PAMR1: variants seen among roughly 807,000 people sequenced by gnomAD.
The protein encoded by PAMR1 is inactive serine protease PAMR1.
A neutral mutation model predicts 81.8 loss-of-function variants in PAMR1; 88 were observed. The observed-to-expected ratio is 1.08, with a 90% CI of 0.91 to 1.28. PAMR1 has a LOEUF of 1.28. PAMR1 is among the 50% of genes most tolerant of loss of function. PAMR1 has a pLI of 0.00. For missense variants in PAMR1, 935 were observed against 919.7 expected, an observed-to-expected ratio of 1.02 and a Z score of -0.21; for synonymous variants, 336 against 345.3, an observed-to-expected ratio of 0.97 and a Z score of 0.30.
intron 6 of PAMR1, among the ~76,000 whole-genome samples, chr11:35,462,444 T>C (rs538344646): frequency 1.1e-3 from 169 of 152,326 alleles, no homozygotes; most frequent in African/African-American, 3.8e-3. Flanking sequence ...TGGCAATATT[T>C]AGTGTTTAGC....
At chr11:35,444,088 C>T (rs1011120327) in intron 6 of PAMR1, among the ~76,000 whole-genome samples, 2 of 152,198 alleles carry the variant, frequency 1.3e-5, no homozygotes, top group African/African-American at 4.8e-5. Flanking sequence ...TAACTGACTT[C>T]AAATTATACT....
At chr11:35,452,889 C>T (rs768970398) in intron 6 of PAMR1, among the ~76,000 whole-genome samples, 1 of 152,080 alleles carries the variant, frequency 6.6e-6, no homozygotes, top group Non-Finnish European at 1.5e-5. Flanking sequence ...TGAGTTTATT[C>T]ACTAGACTCT....
chr11:35,484,470 C>A (rs543103471), intron 3 of PAMR1, among the ~76,000 whole-genome samples: 5 of 152,322 alleles, frequency 3.3e-5, no homozygotes, highest in African/African-American at 1.2e-4. Flanking sequence ...GGAGGGCAGC[C>A]CCGAAAGTCA....
At position 35,524,365 on chromosome 11, in the gene PAMR1, G is replaced by A. The variant is rs558058683; in HGVS notation, c.73+1148C>T. ...AAAGTATTGACCAAAATGAAGGGCAGGGGGGTTTGTGTATCTCAGCTTTTC... is the reference window on the plus strand; with the variant it reads ...AAAGTATTGACCAAAATGAAGGGCAAGGGGGTTTGTGTATCTCAGCTTTTC... On this transcript the variant is annotated intron_variant, in intron 1 of 10. Coordinates refer to ENST00000619888, the MANE Select transcript of PAMR1 (RefSeq NM_001001991.3). 2.6e-5 allele frequency among the ~76,000 whole-genome samples: 4 copies of A among 152,310 alleles called. No homozygotes were observed. In the East Asian group the frequency reaches 7.7e-4, roughly 29 times the overall value.
intron 1 of PAMR1, among the ~76,000 whole-genome samples, chr11:35,499,487 A>G (rs1850790825): frequency 6.6e-6 from 1 of 152,196 alleles, no homozygotes; most frequent in Non-Finnish European, 1.5e-5. Flanking sequence ...AACTTTTATA[A>G]GATTCTGTAC....
rs1856803200 is a variant in PAMR1 at position 35,468,873 on chromosome 11, T to A, written c.713-765A>T. Among the ~76,000 whole-genome samples the A allele has an allele frequency of 2.6e-5, 4 of 152,248 alleles. 1 individual carries two copies. In the South Asian group the frequency reaches 8.3e-4, roughly 31 times the overall value. On this transcript the variant is annotated intron_variant, in intron 5 of 10. Transcript: ENST00000619888. ...TATCCATCAATCCTACATTCATTTA[T>A]CCCAATGTAGAAGTATATTCCTTGG... is the stretch of plus-strand genomic sequence containing the variant.
chr11:35,483,509 C>T (rs1031490273), intron 3 of PAMR1, among the ~76,000 whole-genome samples: 3 of 152,046 alleles, frequency 2.0e-5, no homozygotes, highest in African/African-American at 7.2e-5. Flanking sequence ...CTGGTCAGCC[C>T]ATAGATTCAA....
intron 10 of PAMR1, 22 bp downstream of exon 10, chr11:35,434,490 C>G (rs1359708801): frequency 1.3e-6 from 2 of 1,599,968 alleles, no homozygotes; most frequent in Non-Finnish European, 1.7e-6. Context: ...GCCCCAGCTT[C>G]CAAGTGCAAG....
intron 10 of PAMR1, among the ~76,000 whole-genome samples, 155 bp downstream of exon 10, chr11:35,434,357 T>C (rs1031024307): frequency 1.3e-5 from 2 of 151,790 alleles, no homozygotes; most frequent in African/African-American, 2.4e-5. Context: ...CCCCATCTAG[T>C]ATCTCAATAT....
Position 35,435,959 on chromosome 11 carries a change from C to A in PAMR1, c.1277G>T (p.Arg426Met). Residue 426 changes from arginine to methionine, a missense_variant, in exon 9 of 11, where the codon AGG becomes ATG. Physicochemically the swap from Arg to Met is moderately conservative, Grantham distance 91. Coordinates refer to ENST00000619888, the MANE Select transcript of PAMR1 (RefSeq NM_001001991.3). ...CTTCCCAGTCCTCAGACATGTCCTC[C>A]TGCTGCTGCCCAGGCGGCGGTAGAA... ...SPFYRRLGSS[R>M]RTCLRTGKWS... 1 of 1,614,222 alleles carries A rather than the reference C, an allele frequency of 6.2e-7. No homozygotes were observed. The highest frequency in any genetic ancestry group is 8.5e-7 in the Non-Finnish European group (1 of 1,180,048).
upstream of PAMR1, among the ~76,000 whole-genome samples, chr11:35,527,201 T>C (rs1009432537): frequency 6.6e-6 from 1 of 152,200 alleles, no homozygotes; most frequent in African/African-American, 2.4e-5. Flanking sequence ...GCCTGTGTTC[T>C]AATTTTGTTG....
rs1337250250 is a variant in PAMR1, at chr11:35,525,589, TGCC to T, written c.-7_-5del. 8 of 1,613,562 alleles carry T rather than the reference TGCC, an allele frequency of 5.0e-6. No homozygotes were observed. In the East Asian group the frequency reaches 1.8e-4, roughly 36 times the overall value. On this transcript the variant is annotated 5_prime_UTR_variant, in exon 1 of 11. Coordinates refer to ENST00000619888, the MANE Select transcript of PAMR1 (RefSeq NM_001001991.3). ...GCGTCCAGCAACCCAGCTCCATCCTTGCCGCGGCTGGTGCCCGAGCGTCTACTG... is the reference window on the plus strand; with the variant it reads ...GCGTCCAGCAACCCAGCTCCATCCTTGCGGCTGGTGCCCGAGCGTCTACTG...
chr11:35,495,415 G>A (rs879448275), intron 1 of PAMR1, among the ~76,000 whole-genome samples: 2 of 151,800 alleles, frequency 1.3e-5, no homozygotes, highest in Non-Finnish European at 2.9e-5. Flanking sequence ...CTTCAGTAAA[G>A]AGAAAAACCA....
At chr11:35,434,948 C>T in intron 9 of PAMR1, 144 bp from the exon 10 acceptor site, 1 of 749,770 alleles carries the variant, frequency 1.3e-6, no homozygotes, top group South Asian at 1.9e-5. Context: ...CAGTTTTCTT[C>T]TGCATTTAAA....
At chr11:35,471,107 CT>C (rs1221876827) in intron 4 of PAMR1, among the ~76,000 whole-genome samples, 1 of 152,178 alleles carries the variant, frequency 6.6e-6, no homozygotes, top group Non-Finnish European at 1.5e-5. Context: ...TTCCAGGGCA[CT>C]TTTTCCTCCC....
At chr11:35,512,814 G>A (rs959618790) in intron 1 of PAMR1, among the ~76,000 whole-genome samples, 2 of 152,032 alleles carry the variant, frequency 1.3e-5, no homozygotes, top group African/African-American at 4.8e-5. Context: ...ACAGCACAGC[G>A]AGACCCCATC....
chr11:35,475,949 A>C (rs1321025157), intron 3 of PAMR1, among the ~76,000 whole-genome samples: 1 of 152,230 alleles, frequency 6.6e-6, no homozygotes, highest in African/African-American at 2.4e-5. Context: ...AGTTATATTC[A>C]ATAACTCCCC....
chr11:35,516,305 C>T (rs959181579), intron 1 of PAMR1, among the ~76,000 whole-genome samples: 20 of 152,214 alleles, frequency 1.3e-4, no homozygotes, highest in African/African-American at 4.8e-4. Flanking sequence ...CATATACACA[C>T]ACAAATATGC....
chr11:35,496,000 C>T (rs1267339708), intron 1 of PAMR1, among the ~76,000 whole-genome samples: 2 of 152,218 alleles, frequency 1.3e-5, no homozygotes, highest in African/African-American at 4.8e-5. Flanking sequence ...ATCATCATAG[C>T]ATAATCGCCA....
Sources: gnomAD v4.1 joint callset for allele counts (sites outside exome capture counted in the v4.1 genomes callset) on GRCh38, gnomAD v4.1.1 for gene constraint, MANE v1.5 for transcripts, NCBI Gene and HGNC (gene_info 2026-07-23, HGNC 2026-07-21) for gene names.